Variants in MAP3K3 observed in about 807,000 individuals in gnomAD.
The protein encoded by MAP3K3 is MAP/ERK kinase kinase 3.
A neutral mutation model predicts 80.9 loss-of-function variants in MAP3K3; 12 were observed. The ratio of observed to expected loss-of-function variants is 0.15; its 90% CI spans 0.10 to 0.24. The LOEUF is 0.24. MAP3K3 is among the 10% of genes least tolerant of loss of function. MAP3K3 has a pLI of 1.00. For synonymous variants in MAP3K3, 272 were observed against 307.1 expected, an observed-to-expected ratio of 0.89 and a Z score of 1.19; for missense variants, 596 against 834.7, an observed-to-expected ratio of 0.71 and a Z score of 3.52.
chr17:63,622,778 C>A lies in MAP3K3; in HGVS notation c.4+15C>A. ...CGCCACCATGGGTAAGTGTCGCCACCGCCCCGGCCTGTGCCCGCGCTGCTT... is the reference window on the plus strand; with the variant it reads ...CGCCACCATGGGTAAGTGTCGCCACAGCCCCGGCCTGTGCCCGCGCTGCTT... On this transcript the variant is annotated intron_variant, in intron 1 of 15. Transcript: ENST00000361733. 1 of 517,934 alleles carries A rather than the reference C, an allele frequency of 1.9e-6. No homozygotes were observed. The highest frequency in any genetic ancestry group is 2.3e-5 in the Admixed American group (1 of 44,154). 32.1% of individuals were successfully genotyped at this position (517,934 alleles called of 1,614,324 possible).
chr17:63,690,732 A>G, intron 12 of MAP3K3: 1 of 438,846 alleles, frequency 2.3e-6, no homozygotes, highest in Non-Finnish European at 4.2e-6. Flanking sequence ...CTCTCAGCCC[A>G]GGAAGGAGCT....
chr17:63,661,974 G>A lies in MAP3K3; in HGVS notation c.381+4067G>A, dbSNP rs564095724. ...AAAAATTAGCTGGGCGTGGTGGCAG[G>A]TGCCTGTAGTCCCAGCTACTCGGGA... is the stretch of plus-strand genomic sequence containing the variant. On this transcript the variant is annotated intron_variant, in intron 5 of 15. Coordinates refer to ENST00000361733, the MANE Select transcript of MAP3K3 (RefSeq NM_002401.5). Among the ~76,000 whole-genome samples the A allele has an allele frequency of 2.8e-4, 43 of 152,128 alleles. No individual in the cohort carries two copies. The East Asian group carries it at 5.2e-3, about 18-fold the overall frequency.
chr17:63,681,112 T>A (rs1176723393), intron 6 of MAP3K3, among the ~76,000 whole-genome samples: 13 of 130,476 alleles, frequency 1.0e-4, no homozygotes, highest in East Asian at 4.3e-4. Flanking sequence ...TGTCTCAATT[T>A]AAAAAAAAAA....
At chr17:63,637,053 A>G in intron 2 of MAP3K3, 1 of 519,332 alleles carries the variant, frequency 1.9e-6, no homozygotes, top group Non-Finnish European at 3.6e-6. Flanking sequence ...CTGGAAGAGG[A>G]GATTACCAAG....
intron 2 of MAP3K3, among the ~76,000 whole-genome samples, chr17:63,635,563 A>T (rs1340632838): frequency 6.6e-6 from 1 of 152,234 alleles, no homozygotes; most frequent in African/African-American, 2.4e-5. Context: ...AAAAAGACAA[A>T]GTCTCAGCAA....
At chr17:63,678,833 C>T (rs2035273039) in intron 6 of MAP3K3, among the ~76,000 whole-genome samples, 1 of 151,598 alleles carries the variant, frequency 6.6e-6, no homozygotes, top group South Asian at 2.1e-4. Context: ...AGTTCAAGAC[C>T]AGCCTGGCCA....
intron 1 of MAP3K3, among the ~76,000 whole-genome samples, chr17:63,629,344 C>T (rs1023277909): frequency 1.3e-5 from 2 of 152,138 alleles, no homozygotes; most frequent in African/African-American, 2.4e-5. Context: ...AGGCTGGTTT[C>T]GAACTCCTGA....
intron 6 of MAP3K3, among the ~76,000 whole-genome samples, chr17:63,671,618 A>T (rs1336302323): frequency 6.6e-6 from 1 of 152,158 alleles, no homozygotes; most frequent in Admixed American, 6.6e-5. Flanking sequence ...GGTACAATGG[A>T]GGTTTCCAGA....
chr17:63,648,913 T>G (rs1030133459), intron 3 of MAP3K3, among the ~76,000 whole-genome samples: 3 of 152,174 alleles, frequency 2.0e-5, no homozygotes, highest in African/African-American at 7.2e-5. Flanking sequence ...AAGGTGGTGA[T>G]GGACAAAGGA....
chr17:63,661,939 A>G lies in MAP3K3; in HGVS notation c.381+4032A>G, dbSNP rs192386060. Among the ~76,000 whole-genome samples, 388 of 151,970 alleles carry G rather than the reference A, an allele frequency of 2.6e-3. 2 individuals are homozygous for G. The highest frequency in any genetic ancestry group is 0.01 in the Middle Eastern group (3 of 294). On this transcript the variant is annotated intron_variant, in intron 5 of 15. Transcript: ENST00000361733. ...TAACACGTGAAACCCCATCTCTACT[A>G]AAAAATACAAAAAATTAGCTGGGCG...
chr17:63,624,980 T>G (rs565803929), intron 1 of MAP3K3, among the ~76,000 whole-genome samples: 13 of 152,370 alleles, frequency 8.5e-5, no homozygotes, highest in Admixed American at 2.6e-4. Flanking sequence ...TCCAGTTTAG[T>G]TAGTTTGCTT....
rs772089107 is a variant in MAP3K3 at position 63,693,450 on chromosome 17, C to G, written c.1653-99C>G. On this transcript the variant is annotated intron_variant, in intron 15 of 15. Transcript: ENST00000361733. This position sits in a 1 kb window ranked among gnomAD's most constrained non-coding sequence, Gnocchi z 4.2. ...CCTCAGCTTGGCCTGTCCTGCACCT[C>G]AGCTTGCTGTGAGAAAGGCGCCTCT... The G allele has an allele frequency of 4.5e-4, 494 of 1,097,224 alleles. 1 individual carries two copies. Among genetic ancestry groups the G allele is most frequent in the Non-Finnish European group, 5.0e-4 (378 of 751,046 alleles). 68.0% of individuals were successfully genotyped at this position (1,097,224 alleles called of 1,614,324 possible). A position where few individuals can be genotyped will look rare whatever the true frequency, so the allele number is the denominator to read the frequency against.
chr17:63,626,903 C>T (rs2034114073), intron 1 of MAP3K3, among the ~76,000 whole-genome samples: 1 of 152,122 alleles, frequency 6.6e-6, no homozygotes, highest in Non-Finnish European at 1.5e-5. Context: ...GGGATTGTAT[C>T]TATGGAAAAG....
Position 63,632,682 on chromosome 17 carries a change from C to T in MAP3K3, c.6C>T (p.Asp2=), listed in dbSNP as rs370211518. The T allele has an allele frequency of 1.5e-5, 25 of 1,613,682 alleles. No homozygotes were observed. In the Middle Eastern group the frequency reaches 4.9e-4, roughly 32 times the overall value. ...TCCATGTGCTCTCTTTCATTGCAGACGAACAGGAGGCATTGAACTCAATCA... is the reference window on the plus strand; with the variant it reads ...TCCATGTGCTCTCTTTCATTGCAGATGAACAGGAGGCATTGAACTCAATCA... M[D]EQEALNSIMN... is the part of the protein sequence containing the mutation. Residue 2 remains aspartate (D), a splice_region_variant and synonymous_variant, in exon 2 of 16, where the codon GAC becomes GAT. Transcript: ENST00000361733.
At chr17:63,655,589 C>G (rs1598086550) in intron 4 of MAP3K3, among the ~76,000 whole-genome samples, 1 of 152,124 alleles carries the variant, frequency 6.6e-6, no homozygotes, top group African/African-American at 2.4e-5. Context: ...ATCCTGGGTT[C>G]AAGTGATCCC....
At position 63,691,758 on chromosome 17, in the gene MAP3K3, C is replaced by T; in HGVS notation, c.1370C>T (p.Ala457Val). 6.2e-7 allele frequency: 1 copy of T among 1,614,042 alleles called. No individual in the cohort carries two copies. ...GGCTCGGTGAAAGACCAGTTGAAGG[C>T]TTACGGTGCTCTGACAGAGAGCGTG... The part of the protein sequence containing the change: ...PGGSVKDQLK[A>V]YGALTESVTR... The change falls in exon 14 of 16, where the codon GCT (alanine) becomes GTT (valine). Residue 457 changes from alanine (A) to valine (V), a missense_variant. Around this residue, in one of 2 missense-constraint regions of MAP3K3, gnomAD observed 364 missense variants for 588.9 expected, o/e 0.62. Transcript: ENST00000361733. This position sits in a 1 kb window ranked among gnomAD's most constrained non-coding sequence, Gnocchi z 4.8.
At chr17:63,663,480 C>T (rs1023543283) in intron 5 of MAP3K3, among the ~76,000 whole-genome samples, 5 of 147,270 alleles carry the variant, frequency 3.4e-5, no homozygotes, top group South Asian at 2.1e-4. Context: ...CCAGCCTGGG[C>T]GATGAGCGAA....
Position 63,695,692 on chromosome 17 carries a change from A to T in MAP3K3, c.*1915A>T, listed in dbSNP as rs893396842. 6.6e-6 allele frequency: 1 copy of T among 152,632 alleles called. No individual in the cohort carries two copies. Among genetic ancestry groups the T allele is most frequent in the Non-Finnish European group, 1.5e-5 (1 of 68,128 alleles). 9.5% of individuals were successfully genotyped at this position (152,632 alleles called of 1,614,324 possible). A position where few individuals can be genotyped will look rare whatever the true frequency, so the allele number is the denominator to read the frequency against. ...GTCCCTGTTCCCCAAGAGGATACAGAGCACGGTGCTGGCTGACTCAACTGT... is the reference window on the plus strand; with the variant it reads ...GTCCCTGTTCCCCAAGAGGATACAGTGCACGGTGCTGGCTGACTCAACTGT... On this transcript the variant is annotated 3_prime_UTR_variant, in exon 16 of 16. Transcript: ENST00000361733. The surrounding 1 kb of genome is among the most constrained non-coding windows in gnomAD (Gnocchi z 4.1).
Position 63,670,117 on chromosome 17 carries a change from T to G in MAP3K3, c.502+3057T>G, listed in dbSNP as rs116839678. Among the ~76,000 whole-genome samples the G allele has an allele frequency of 6.3e-3, 938 of 149,352 alleles. 15 individuals are homozygous for G. The highest frequency in any genetic ancestry group is 0.021 in the African/African-American group (870 of 40,640). ...GACCCTGTCTCAAAAAAAAAAAAAG[T>G]AATTACCAAAGTATCTACTATGTGC... On this transcript the variant is annotated intron_variant, in intron 6 of 15. Transcript: ENST00000361733.
Sources: allele counts gnomAD v4.1 joint callset (sites outside exome capture counted in the v4.1 genomes callset), GRCh38; gene constraint gnomAD v4.1.1; regional missense constraint gnomAD v4.1.1; non-coding constraint Gnocchi (gnomAD v3.1); transcripts MANE v1.5; gene names NCBI Gene and HGNC (gene_info 2026-07-23, HGNC 2026-07-21).